The following QSOX2 variants were observed in gnomAD, a reference collection of about 807,000 sequenced individuals.
QSOX2 encodes sulfhydryl oxidase 2.
In QSOX2, 46 loss-of-function variants were observed where a neutral mutation model predicts 61.7. The ratio of observed to expected loss-of-function variants is 0.75; its 90% CI spans 0.59 to 0.95. QSOX2 has a LOEUF of 0.95. QSOX2 is among the 40% of genes least tolerant of loss of function. The pLI, the probability that QSOX2 is intolerant of heterozygous loss-of-function variation, is 0.00. For missense variants in QSOX2, 879 were observed against 918.9 expected (o/e 0.96, Z 0.56); for synonymous variants, 383 against 388.4 (o/e 0.99, Z 0.16).
intron 2 of QSOX2, among the ~76,000 whole-genome samples, chr9:136,225,495 C>T (rs1401885562): frequency 6.6e-6 from 1 of 152,242 alleles, no homozygotes; most frequent in Non-Finnish European, 1.5e-5. Flanking sequence ...CCACGGCCCA[C>T]AAAGCCAGAT....
chr9:136,209,095 T>C lies in QSOX2; in HGVS notation c.1730A>G (p.Asp577Gly). ...LLDTYSADQG[D>G]SSEGGTLARG... is the part of the protein sequence containing the mutation. ...GGCCAGGGTTCCTCCTTCACTGGAA[T>C]CCCCCTGGTCTGCGGAATACGTGTC... Residue 577 changes from aspartate to glycine, a missense_variant, in exon 12 of 12, where the codon GAT becomes GGT. Coordinates refer to ENST00000358701, the MANE Select transcript of QSOX2 (RefSeq NM_181701.4). The surrounding 1 kb of genome is among the most constrained non-coding windows in gnomAD (Gnocchi z 5.6). 6 of 1,614,090 alleles carry C rather than the reference T, an allele frequency of 3.7e-6. No homozygotes were observed. The highest frequency in any genetic ancestry group is 5.1e-6 in the Non-Finnish European group (6 of 1,180,012).
rs915359078 is a variant in QSOX2, at chr9:136,209,500, C to T, written c.1550-225G>A. On this transcript the variant is annotated intron_variant, in intron 11 of 11. Transcript: ENST00000358701. The surrounding 1 kb of genome is among the most constrained non-coding windows in gnomAD (Gnocchi z 5.6). The stretch of plus-strand genomic sequence containing the variant: ...CCCCTGCGCACGTGTTCCCCTCTGC[C>T]GGTTCCCATAGCCTGCAAGTGAGGA... 6 of 985,298 alleles carry T rather than the reference C, an allele frequency of 6.1e-6. No individual in the cohort carries two copies. The highest frequency in any genetic ancestry group is 6.1e-5 in the Admixed American group (1 of 16,276). The allele number at this position is 985,298 out of a possible 1,614,324, so 61.0% of individuals were successfully genotyped here. A position where few individuals can be genotyped will look rare whatever the true frequency, so the allele number is the denominator to read the frequency against.
chr9:136,210,164 T>C (rs1347945382), intron 11 of QSOX2: 1 of 985,336 alleles, frequency 1.0e-6, no homozygotes, highest in Admixed American at 6.1e-5. Context: ...AGTGGCACCT[T>C]GGTCAGAAGC....
chr9:136,212,448 C>T (rs1831858025), intron 10 of QSOX2, among the ~76,000 whole-genome samples: 1 of 152,270 alleles, frequency 6.6e-6, no homozygotes, highest in African/African-American at 2.4e-5. Flanking sequence ...CTGCAAAACA[C>T]AGCTGCGTGC....
chr9:136,233,158 C>A (rs1038887696), intron 1 of QSOX2, among the ~76,000 whole-genome samples: 1 of 152,126 alleles, frequency 6.6e-6, no homozygotes, highest in Non-Finnish European at 1.5e-5. Flanking sequence ...AAGCCGCTAA[C>A]CCTGAGCCTC....
chr9:136,219,739 G>A (rs939042364), intron 6 of QSOX2, among the ~76,000 whole-genome samples: 1 of 152,252 alleles, frequency 6.6e-6, no homozygotes, highest in Non-Finnish European at 1.5e-5. Context: ...TCAGTGTGAC[G>A]TGGAGCTTGT....
intron 1 of QSOX2, among the ~76,000 whole-genome samples, chr9:136,232,083 G>C (rs1189240350): frequency 6.6e-6 from 1 of 152,162 alleles, no homozygotes; most frequent in Non-Finnish European, 1.5e-5. Context: ...TCCTGGAAAC[G>C]GTGGCTTGAA....
chr9:136,231,248 C>T (rs887536261), intron 1 of QSOX2, among the ~76,000 whole-genome samples: 15 of 152,332 alleles, frequency 9.8e-5, no homozygotes, highest in African/African-American at 2.9e-4. Context: ...TCCTAACAGG[C>T]GTGCCCGACT....
intron 6 of QSOX2, among the ~76,000 whole-genome samples, chr9:136,219,491 G>A (rs1211774514): frequency 1.3e-5 from 2 of 152,216 alleles, no homozygotes; most frequent in Admixed American, 6.5e-5. Flanking sequence ...TTCTGACTGC[G>A]ATTTCCAACA....
In QSOX2 at chr9:136,207,378, C is replaced by CACACAA. The variant is rs1332069887; in HGVS notation, c.*1349_*1350insTTGTGT. ...TCTCTCTCTCATACACACACACACA[C>CACACAA]ACACACACACACACACACACACACG... On this transcript the variant is annotated 3_prime_UTR_variant, in exon 12 of 12. Transcript: ENST00000358701. 6.6e-6 allele frequency: 1 copy of CACACAA among 150,882 alleles called. No homozygotes were observed. Among genetic ancestry groups the CACACAA allele is most frequent in the Non-Finnish European group, 1.5e-5 (1 of 67,644 alleles). 9.3% of individuals were successfully genotyped at this position (150,882 alleles called of 1,614,324 possible). A position where few individuals can be genotyped will look rare whatever the true frequency, so the allele number is the denominator to read the frequency against.
At chr9:136,217,189 G>T (rs556113723) in intron 8 of QSOX2, among the ~76,000 whole-genome samples, 1 of 152,382 alleles carries the variant, frequency 6.6e-6, no homozygotes, top group South Asian at 2.1e-4. Context: ...CGGCAGCCGG[G>T]GCTAACTGCC....
intron 9 of QSOX2, among the ~76,000 whole-genome samples, chr9:136,216,107 C>T (rs745642258): frequency 5.3e-5 from 8 of 152,186 alleles, no homozygotes; most frequent in Admixed American, 3.9e-4. Context: ...GTTTACTGCC[C>T]GCGAGTAAAC....
At position 136,245,466 on chromosome 9, in the gene QSOX2, C is replaced by T. The variant is rs1206488330; in HGVS notation, c.328+10G>A. 2 of 1,582,304 alleles carry T rather than the reference C, an allele frequency of 1.3e-6. No homozygotes were observed. The highest frequency in any genetic ancestry group is 1.7e-6 in the Non-Finnish European group (2 of 1,172,298). On this transcript the variant is annotated intron_variant, in intron 1 of 11. Coordinates refer to ENST00000358701, the MANE Select transcript of QSOX2 (RefSeq NM_181701.4). The stretch of plus-strand genomic sequence containing the variant: ...GGGTCGGGGGGTCCCCGCGCGGGGG[C>T]GCGCCTCACCTCGCACATCCCCAGC...
rs1831771204 is a variant in QSOX2 at position 136,206,861 on chromosome 9, CA to C, written c.*1866del. Reference sequence around the variant, plus strand: ...CACTCCAGGTCACCCCAGCTAAAGACATTCAACACCAGCCAAAAGGCTAAAG... The same window carrying C: ...CACTCCAGGTCACCCCAGCTAAAGACTTCAACACCAGCCAAAAGGCTAAAG... On this transcript the variant is annotated 3_prime_UTR_variant, in exon 12 of 12. Coordinates refer to ENST00000358701, the MANE Select transcript of QSOX2 (RefSeq NM_181701.4). 6.6e-6 allele frequency: 1 copy of C among 152,396 alleles called. No homozygotes were observed. Among genetic ancestry groups the C allele is most frequent in the Non-Finnish European group, 1.5e-5 (1 of 68,058 alleles). 9.4% of individuals were successfully genotyped at this position (152,396 alleles called of 1,614,324 possible). A position where few individuals can be genotyped will look rare whatever the true frequency, so the allele number is the denominator to read the frequency against.
At chr9:136,226,268 G>A (rs1294887050) in intron 2 of QSOX2, among the ~76,000 whole-genome samples, 1 of 152,226 alleles carries the variant, frequency 6.6e-6, no homozygotes. Context: ...GCCTGCAACA[G>A]GGTCACAGGT....
At chr9:136,236,684 G>C (rs1035399572) in intron 1 of QSOX2, among the ~76,000 whole-genome samples, 1 of 151,202 alleles carries the variant, frequency 6.6e-6, no homozygotes, top group Admixed American at 6.6e-5. Context: ...CTGTGCCAGC[G>C]ACACCTGAAG....
Position 136,228,268 on chromosome 9 carries a change from C to T in QSOX2, c.329-1394G>A, listed in dbSNP as rs141087103. 1.9e-3 allele frequency among the ~76,000 whole-genome samples: 287 copies of T among 152,220 alleles called. 1 individual carries two copies. The highest frequency in any genetic ancestry group is 6.3e-3 in the African/African-American group (263 of 41,532). ...GAAATGGTGACGTGTCATCTCTCAC[C>T]GTTTGCTCATGATGAGCTGGGACAA... On this transcript the variant is annotated intron_variant, in intron 1 of 11. Transcript: ENST00000358701.
chr9:136,218,662 C>A lies in QSOX2; in HGVS notation c.1086+17G>T. 1 of 1,611,588 alleles carries A rather than the reference C, an allele frequency of 6.2e-7. No individual in the cohort carries two copies. Among genetic ancestry groups the A allele is most frequent in the Non-Finnish European group, 8.5e-7 (1 of 1,178,804 alleles). On this transcript the variant is annotated intron_variant, in intron 8 of 11. Coordinates refer to ENST00000358701, the MANE Select transcript of QSOX2 (RefSeq NM_181701.4). ...GCCAAATTCCCACATGCAGCCCAGA[C>A]CAGCACCGTCCCAAACCTTGGCCAA...
chr9:136,218,976 C>T lies in QSOX2; in HGVS notation c.956+54G>A, dbSNP rs1006708210. 3.1e-6 allele frequency: 5 copies of T among 1,596,898 alleles called. No individual in the cohort carries two copies. In the East Asian group the frequency reaches 6.7e-5, roughly 22 times the overall value. On this transcript the variant is annotated intron_variant, in intron 7 of 11. Transcript: ENST00000358701. The stretch of plus-strand genomic sequence containing the variant: ...GTAAACCCGCCCTGCAAGCACGCAG[C>T]CTTCGGTCTACACGCACTGTCTCCG...
Sources: allele counts gnomAD v4.1 joint callset (sites outside exome capture counted in the v4.1 genomes callset), GRCh38; gene constraint gnomAD v4.1.1; non-coding constraint Gnocchi (gnomAD v3.1); transcripts MANE v1.5; gene names NCBI Gene and HGNC (gene_info 2026-07-23, HGNC 2026-07-21).